IRX5: variants seen among roughly 807,000 people sequenced by gnomAD.
The protein encoded by IRX5 is iroquois homeobox 5, also known as iroquois-class homeodomain protein IRX-5.
A neutral mutation model predicts 37.6 loss-of-function variants in IRX5; 8 were observed. That is an observed-to-expected ratio of 0.21 (90% CI 0.12 to 0.38). The LOEUF (loss-of-function observed/expected upper bound fraction) is 0.38, where lower values mean the gene tolerates loss of function less well. Among genes scored for constraint, IRX5 ranks in the 10% least tolerant of loss-of-function variants. The pLI is 1.00. For synonymous variants in IRX5, 359 were observed against 328.6 expected (o/e 1.09, Z -1.00); for missense variants, 635 against 695.2 (o/e 0.91, Z 0.97).
rs778623433 is a variant in IRX5, at chr16:54,932,490, C to T, written c.250-8C>T. 3.7e-6 allele frequency: 6 copies of T among 1,600,290 alleles called. No individual in the cohort carries two copies. In the African/African-American group the frequency reaches 5.4e-5, roughly 14 times the overall value. ...GTCCACACTCACCTCTCTGCGTCTC[C>T]ACCGCAGGGCTCTCCCTACGACCAC... is the stretch of plus-strand genomic sequence containing the variant. On this transcript the variant is annotated splice_region_variant and splice_polypyrimidine_tract_variant and intron_variant, in intron 1 of 2. Coordinates refer to ENST00000394636, the MANE Select transcript of IRX5 (RefSeq NM_005853.6). The surrounding 1 kb of genome is among the most constrained non-coding windows in gnomAD (Gnocchi z 6.7).
In IRX5 at chr16:54,933,374, A is replaced by G; in HGVS notation, c.953A>G (p.His318Arg). The change falls in exon 3 of 3, where the codon CAT becomes CGT. Residue 318 changes from histidine to arginine, a missense_variant. This residue lies in a region of IRX5 where 244 missense variants were observed against 205.4 expected (regional missense o/e 1.19). Coordinates refer to ENST00000394636, the MANE Select transcript of IRX5 (RefSeq NM_005853.6). ...PPGPGGPSVI[H>R]SPPPPPPPAV... ...GGTCCCGGCGGGCCCTCGGTTATCC[A>G]TTCGCCGCCTCCGCCGCCGCCTCCT... 6 of 1,533,740 alleles carry G rather than the reference A, an allele frequency of 3.9e-6. No homozygotes were observed. Among genetic ancestry groups the G allele is most frequent in the Non-Finnish European group, 4.4e-6 (5 of 1,144,538 alleles).
In IRX5 at chr16:54,932,918, G is replaced by C; in HGVS notation, c.655+15G>C. 1 of 1,601,376 alleles carries C rather than the reference G, an allele frequency of 6.2e-7. No individual in the cohort carries two copies. The highest frequency in any genetic ancestry group is 8.5e-7 in the Non-Finnish European group (1 of 1,174,236). ...CCCCGAAGCAGGTTGGTGGACATGG[G>C]AAAGGGCGTGTTGGGCGGGAGTAAA... On this transcript the variant is annotated intron_variant, in intron 2 of 2. Coordinates refer to ENST00000394636, the MANE Select transcript of IRX5 (RefSeq NM_005853.6). The surrounding 1 kb of genome is among the most constrained non-coding windows in gnomAD (Gnocchi z 6.7).
chr16:54,934,203 G>GT lies in IRX5; in HGVS notation c.*337dup, dbSNP rs1356823244. ...CAAGACACCTGTACAGGCATTTAATGTTTTTTTGTAATATAAATATATACA... is the reference window on the plus strand; with the variant it reads ...CAAGACACCTGTACAGGCATTTAATGTTTTTTTTGTAATATAAATATATACA... On this transcript the variant is annotated 3_prime_UTR_variant, in exon 3 of 3. Transcript: ENST00000394636. 1.8e-4 allele frequency: 31 copies of GT among 175,896 alleles called. No individual in the cohort carries two copies. The highest frequency in any genetic ancestry group is 3.5e-4 in the African/African-American group (15 of 42,568). The allele number at this position is 175,896 out of a possible 1,614,324, so 10.9% of individuals were successfully genotyped here.
rs1445424684 is a variant in IRX5, at chr16:54,932,051, T to C, written c.250-447T>C. 1 of 702,170 alleles carries C rather than the reference T, an allele frequency of 1.4e-6. No homozygotes were observed. Among genetic ancestry groups the C allele is most frequent in the Non-Finnish European group, 2.6e-6 (1 of 384,868 alleles). 43.5% of individuals were successfully genotyped at this position (702,170 alleles called of 1,614,324 possible). On this transcript the variant is annotated intron_variant, in intron 1 of 2. Coordinates refer to ENST00000394636, the MANE Select transcript of IRX5 (RefSeq NM_005853.6). The surrounding 1 kb of genome is among the most constrained non-coding windows in gnomAD (Gnocchi z 6.7). ...GGCTCAGCTTTTTGTTTGCATTTCT[T>C]AGCTGTTGAAAAAAGAAAAAAAGAG...
chr16:54,932,796 A>G lies in IRX5; in HGVS notation c.548A>G (p.Asn183Ser). 1 of 1,614,062 alleles carries G rather than the reference A, an allele frequency of 6.2e-7. No homozygotes were observed. The highest frequency in any genetic ancestry group is 1.7e-5 in the Admixed American group (1 of 60,026). ...AATAAAATGACGTGGACGCCGCGGA[A>G]CCGCAGCGAGGACGAGGAAGAGGAG... is the stretch of plus-strand genomic sequence containing the variant. ...KENKMTWTPR[N>S]RSEDEEEEEN... Residue 183 changes from asparagine (N) to serine (S), a missense_variant, in exon 2 of 3, where the codon AAC becomes AGC. By Grantham distance (46) the Asn-to-Ser change is conservative. Coordinates refer to ENST00000394636, the MANE Select transcript of IRX5 (RefSeq NM_005853.6). The surrounding 1 kb of genome is among the most constrained non-coding windows in gnomAD (Gnocchi z 6.7).
chr16:54,932,567 G>A lies in IRX5; in HGVS notation c.319G>A (p.Gly107Arg). 6.2e-7 allele frequency: 1 copy of A among 1,613,970 alleles called. No homozygotes were observed. The highest frequency in any genetic ancestry group is 1.3e-5 in the African/African-American group (1 of 74,988). Residue 107 changes from glycine (G) to arginine (R), a missense_variant, in exon 2 of 3, where the codon GGA (glycine) becomes AGA (arginine). Coordinates refer to ENST00000394636, the MANE Select transcript of IRX5 (RefSeq NM_005853.6). This position sits in a 1 kb window ranked among gnomAD's most constrained non-coding sequence, Gnocchi z 6.7. ...LGYHPYAAPL[G>R]SYPYGDPAYR... ...GTACCATCCTTACGCGGCGCCCCTG[G>A]GATCGTACCCTTACGGGGACCCAGC...
rs1963938601 is a variant in IRX5 at position 54,933,945 on chromosome 16, C to G, written c.*72C>G. ...GCCTTGGCAGTTATTTTTCCATCACCGAGAGAGAGAGACAGAGAGAGAAAA... is the reference window on the plus strand; with the variant it reads ...GCCTTGGCAGTTATTTTTCCATCACGGAGAGAGAGAGACAGAGAGAGAAAA... On this transcript the variant is annotated 3_prime_UTR_variant, in exon 3 of 3. Coordinates refer to ENST00000394636, the MANE Select transcript of IRX5 (RefSeq NM_005853.6). 1 of 1,405,688 alleles carries G rather than the reference C, an allele frequency of 7.1e-7. No individual in the cohort carries two copies. The allele number at this position is 1,405,688 out of a possible 1,614,324, so 87.1% of individuals were successfully genotyped here. A position where few individuals can be genotyped will look rare whatever the true frequency, so the allele number is the denominator to read the frequency against.
chr16:54,931,092 G>A lies in IRX5; in HGVS notation c.-107G>A, dbSNP rs1402674981. On this transcript the variant is annotated 5_prime_UTR_variant, in exon 1 of 3. Coordinates refer to ENST00000394636, the MANE Select transcript of IRX5 (RefSeq NM_005853.6). ...CCCCGGAGCCGGGGCCAGAGGAGCG[G>A]CGGCCCAGGGCAGCCAGAGGCCAGG... 12 of 846,854 alleles carry A rather than the reference G, an allele frequency of 1.4e-5. No homozygotes were observed. The highest frequency in any genetic ancestry group is 5.0e-4 in the Middle Eastern group (1 of 2,016). The allele number at this position is 846,854 out of a possible 1,614,324, so 52.5% of individuals were successfully genotyped here.
In IRX5 at chr16:54,932,733, C is replaced by T; in HGVS notation, c.485C>T (p.Thr162Ile). ...AAGATGACCCTCACCCAGGTGTCCA[C>T]CTGGTTCGCCAACGCGCGCCGGCGC... ...ITKMTLTQVS[T>I]WFANARRRLK... The change falls in exon 2 of 3, where the codon ACC becomes ATC. Residue 162 changes from threonine to isoleucine, a missense_variant. By Grantham distance (89) the Thr-to-Ile change is moderately conservative (BLOSUM62 -1). Transcript: ENST00000394636. The surrounding 1 kb of genome is among the most constrained non-coding windows in gnomAD (Gnocchi z 6.7). 6.2e-7 allele frequency: 1 copy of T among 1,614,036 alleles called. No individual in the cohort carries two copies. The highest frequency in any genetic ancestry group is 2.2e-5 in the East Asian group (1 of 44,836).
At position 54,931,362 on chromosome 16, in the gene IRX5, C is replaced by T. The variant is rs1405846401; in HGVS notation, c.164C>T (p.Thr55Met). 1 of 1,606,498 alleles carries T rather than the reference C, an allele frequency of 6.2e-7. No individual in the cohort carries two copies. The highest frequency in any genetic ancestry group is 8.5e-7 in the Non-Finnish European group (1 of 1,179,450). The change falls in exon 1 of 3, where the codon ACG becomes ATG. Residue 55 changes from threonine (T) to methionine (M), a missense_variant. Thr to Met is a moderately conservative substitution (Grantham distance 81). This residue lies in a region of IRX5 where 145 missense variants were observed against 152.4 expected (regional missense o/e 0.95). Coordinates refer to ENST00000394636, the MANE Select transcript of IRX5 (RefSeq NM_005853.6). Reference protein sequence around the residue: ...FSPYAGSTAFTAPSPGYNSHL... With the variant: ...FSPYAGSTAFMAPSPGYNSHL... ...CCCTACGCTGGCTCGACTGCCTTCA[C>T]GGCGCCCTCGCCGGGCTACAACTCG...
At chr16:54,931,539 C>G (rs1410676553) in intron 1 of IRX5, 92 bp downstream of exon 1, 1 of 1,400,630 alleles carries the variant, frequency 7.1e-7, no homozygotes, top group East Asian at 2.6e-5. Context: ...GCGCCAACAC[C>G]GACCTCCCCC....
At position 54,932,013 on chromosome 16, in the gene IRX5, A is replaced by G; in HGVS notation, c.250-485A>G. The G allele has an allele frequency of 1.4e-6, 1 of 696,622 alleles. No individual in the cohort carries two copies. The allele number at this position is 696,622 out of a possible 1,614,324, so 43.2% of individuals were successfully genotyped here. A position where few individuals can be genotyped will look rare whatever the true frequency, so the allele number is the denominator to read the frequency against. ...TGGGGTAGTATTTTTGGAGGGTGGGAGTGCGTGGGCATGGCTCAGCTTTTT... is the reference window on the plus strand; with the variant it reads ...TGGGGTAGTATTTTTGGAGGGTGGGGGTGCGTGGGCATGGCTCAGCTTTTT... On this transcript the variant is annotated intron_variant, in intron 1 of 2. Coordinates refer to ENST00000394636, the MANE Select transcript of IRX5 (RefSeq NM_005853.6). The surrounding 1 kb of genome is among the most constrained non-coding windows in gnomAD (Gnocchi z 6.7).
chr16:54,931,386 C>G lies in IRX5; in HGVS notation c.188C>G (p.Ser63Trp), dbSNP rs1383731231. The G allele has an allele frequency of 9.4e-6, 15 of 1,602,396 alleles. No individual in the cohort carries two copies. The highest frequency in any genetic ancestry group is 1.3e-5 in the Non-Finnish European group (15 of 1,179,378). The change falls in exon 1 of 3, where the codon TCG becomes TGG. Residue 63 changes from serine to tryptophan, a missense_variant. This residue lies in a region of IRX5 where 145 missense variants were observed against 152.4 expected (regional missense o/e 0.95). Transcript: ENST00000394636. ...AFTAPSPGYN[S>W]HLQYGADPAA... ...ACGGCGCCCTCGCCGGGCTACAACT[C>G]GCACCTCCAGTACGGCGCCGACCCC... is the stretch of plus-strand genomic sequence containing the variant.
Position 54,933,911 on chromosome 16 carries a change from A to G in IRX5, c.*38A>G, listed in dbSNP as rs899873262. 9 of 1,521,472 alleles carry G rather than the reference A, an allele frequency of 5.9e-6. No individual in the cohort carries two copies. Among genetic ancestry groups the G allele is most frequent in the African/African-American group, 2.8e-5 (2 of 72,098 alleles). 94.2% of individuals were successfully genotyped at this position (1,521,472 alleles called of 1,614,324 possible). A position where few individuals can be genotyped will look rare whatever the true frequency, so the allele number is the denominator to read the frequency against. On this transcript the variant is annotated 3_prime_UTR_variant, in exon 3 of 3. Coordinates refer to ENST00000394636, the MANE Select transcript of IRX5 (RefSeq NM_005853.6). ...CGGTCCCGGACTTTTCTAATTTATT[A>G]AAAACATGGCCTTGGCAGTTATTTT... is the stretch of plus-strand genomic sequence containing the variant.
chr16:54,934,116 T>G lies in IRX5; in HGVS notation c.*243T>G. 1 of 339,700 alleles carries G rather than the reference T, an allele frequency of 2.9e-6. No individual in the cohort carries two copies. The highest frequency in any genetic ancestry group is 5.2e-6 in the Non-Finnish European group (1 of 190,554). The allele number at this position is 339,700 out of a possible 1,614,324, so 21.0% of individuals were successfully genotyped here. ...TTTGTATTAAATCTTATTCTGTATATTTAATGTAGCATTTTTGTATTTAAA... is the reference window on the plus strand; with the variant it reads ...TTTGTATTAAATCTTATTCTGTATAGTTAATGTAGCATTTTTGTATTTAAA... On this transcript the variant is annotated 3_prime_UTR_variant, in exon 3 of 3. Coordinates refer to ENST00000394636, the MANE Select transcript of IRX5 (RefSeq NM_005853.6).
In IRX5 at chr16:54,933,651, C is replaced by T. The variant is rs777620310; in HGVS notation, c.1230C>T (p.Pro410=). 2 of 1,611,580 alleles carry T rather than the reference C, an allele frequency of 1.2e-6. No homozygotes were observed. Among genetic ancestry groups the T allele is most frequent in the Non-Finnish European group, 1.7e-6 (2 of 1,178,176 alleles). The change falls in exon 3 of 3, where the codon CCC becomes CCT. Residue 410 remains proline (P), a synonymous_variant. Coordinates refer to ENST00000394636, the MANE Select transcript of IRX5 (RefSeq NM_005853.6). ...RPLYYTAPFY[P]GYTNYGSFGH... is the part of the protein sequence containing the mutation. ...TCTACTACACCGCGCCCTTCTATCC[C>T]GGCTACACGAACTATGGCTCCTTCG...
intron 1 of IRX5, 71 bp downstream of exon 1, chr16:54,931,518 C>G: frequency 1.4e-6 from 2 of 1,457,442 alleles, no homozygotes; most frequent in Non-Finnish European, 1.8e-6. Flanking sequence ...CGGAGGGGGA[C>G]ACGGGCCTAG....
Position 54,932,655 on chromosome 16 carries a change from G to T in IRX5, c.407G>T (p.Arg136Leu). 1 of 1,613,996 alleles carries T rather than the reference G, an allele frequency of 6.2e-7. No individual in the cohort carries two copies. The highest frequency in any genetic ancestry group is 8.5e-7 in the Non-Finnish European group (1 of 1,180,016). Residue 136 changes from arginine (R) to leucine (L), a missense_variant, in exon 2 of 3, where the codon CGC (arginine) becomes CTC (leucine). Transcript: ENST00000394636. This position sits in a 1 kb window ranked among gnomAD's most constrained non-coding sequence, Gnocchi z 6.7. ...CTCAAGGCCTGGCTCAACGAGCACC[G>T]CAAGAACCCCTACCCCACCAAGGGC... ...ATLKAWLNEHRKNPYPTKGEK... is the reference protein window; with the variant it reads ...ATLKAWLNEHLKNPYPTKGEK...
chr16:54,933,367 G>T lies in IRX5; in HGVS notation c.946G>T (p.Val316Phe). The change falls in exon 3 of 3, where the codon GTT becomes TTT. Residue 316 changes from valine (V) to phenylalanine (F), a missense_variant. By Grantham distance (50) the Val-to-Phe change is conservative. Coordinates refer to ENST00000394636, the MANE Select transcript of IRX5 (RefSeq NM_005853.6). ...EVPPGPGGPSVIHSPPPPPPP... is the reference protein window; with the variant it reads ...EVPPGPGGPSFIHSPPPPPPP... ...GCCTCCGGGTCCCGGCGGGCCCTCG[G>T]TTATCCATTCGCCGCCTCCGCCGCC... 3 of 1,527,358 alleles carry T rather than the reference G, an allele frequency of 2.0e-6. No homozygotes were observed. Among genetic ancestry groups the T allele is most frequent in the Non-Finnish European group, 2.6e-6 (3 of 1,141,986 alleles). The allele number at this position is 1,527,358 out of a possible 1,614,324, so 94.6% of individuals were successfully genotyped here.
Sources: allele counts gnomAD v4.1 joint callset, GRCh38; gene constraint gnomAD v4.1.1; regional missense constraint gnomAD v4.1.1; non-coding constraint Gnocchi (gnomAD v3.1); transcripts MANE v1.5; gene names NCBI Gene and HGNC (gene_info 2026-07-23, HGNC 2026-07-21).